Variants in CTNNA3 observed in about 807,000 individuals in gnomAD.
The protein encoded by CTNNA3 is catenin alpha-3.
CTNNA3 carries 76 observed loss-of-function variants against 95.7 expected under a neutral mutation model. The observed-to-expected ratio is 0.79, with a 90% CI of 0.66 to 0.96. The LOEUF (loss-of-function observed/expected upper bound fraction) is 0.96, where lower values mean the gene tolerates loss of function less well. Among genes scored for constraint, CTNNA3 ranks in the 40% least tolerant of loss-of-function variants. The pLI is 0.00. For synonymous variants in CTNNA3, 431 were observed against 374.4 expected, an observed-to-expected ratio of 1.15 and a Z score of -1.74; for missense variants, 1,191 against 1,089.8, an observed-to-expected ratio of 1.09 and a Z score of -1.31.
chr10:66,701,986 C>T (rs1847958663), intron 9 of CTNNA3, among the ~76,000 whole-genome samples: 1 of 152,124 alleles, frequency 6.6e-6, no homozygotes. Context: ...CAAGTGTCAA[C>T]ATCTCGGCCA....
intron 10 of CTNNA3, among the ~76,000 whole-genome samples, chr10:66,618,777 T>C (rs1844627705): frequency 2.0e-5 from 3 of 151,868 alleles, no homozygotes; most frequent in South Asian, 2.1e-4. Flanking sequence ...ACAGGCAACC[T>C]ACAAAATGGG....
intron 1 of CTNNA3, among the ~76,000 whole-genome samples, chr10:67,652,615 A>T (rs941944257): frequency 6.6e-5 from 10 of 152,292 alleles, no homozygotes; most frequent in Admixed American, 5.9e-4. Flanking sequence ...TCCCAGAGGC[A>T]ACTACTTTGG....
Position 67,577,772 on chromosome 10 carries a change from G to T in CTNNA3, c.292+29085C>A, listed in dbSNP as rs201841842. ...CATTCATCTATTGATGGACACTGAGGTTGATTGCATATCTTTGCTATTGTA... is the reference window on the plus strand; with the variant it reads ...CATTCATCTATTGATGGACACTGAGTTTGATTGCATATCTTTGCTATTGTA... On this transcript the variant is annotated intron_variant, in intron 3 of 17. Coordinates refer to ENST00000433211, the MANE Select transcript of CTNNA3 (RefSeq NM_013266.4). Among the ~76,000 whole-genome samples the T allele has an allele frequency of 4.0e-4, 60 of 151,590 alleles. No homozygotes were observed. In the East Asian group the frequency reaches 5.8e-3, roughly 15 times the overall value.
At chr10:67,165,744 C>A (rs1481091413) in intron 7 of CTNNA3, among the ~76,000 whole-genome samples, 1 of 152,090 alleles carries the variant, frequency 6.6e-6, no homozygotes, top group African/African-American at 2.4e-5. Context: ...ATAGCATAAA[C>A]AGCTGAACTA....
chr10:66,396,717 T>C (rs1225095017), intron 11 of CTNNA3, among the ~76,000 whole-genome samples: 1 of 151,976 alleles, frequency 6.6e-6, no homozygotes, highest in Non-Finnish European at 1.5e-5. Context: ...ATTCCATTTC[T>C]AGTAAATAGT....
At chr10:65,938,492 T>C (rs1042774674) in intron 17 of CTNNA3, among the ~76,000 whole-genome samples, 4 of 152,204 alleles carry the variant, frequency 2.6e-5, no homozygotes, top group Non-Finnish European at 5.9e-5. Context: ...GTGAGATGAC[T>C]GGGGACTTTA....
chr10:67,411,808 C>G (rs568222153), intron 5 of CTNNA3, among the ~76,000 whole-genome samples: 1 of 152,040 alleles, frequency 6.6e-6, no homozygotes, highest in African/African-American at 2.4e-5. Context: ...AAACTTAGAG[C>G]TCCATATCTG....
At chr10:67,746,002 A>G (rs1841373302) in intron 1 of CTNNA3, among the ~76,000 whole-genome samples, 1 of 152,228 alleles carries the variant, frequency 6.6e-6, no homozygotes, top group Admixed American at 6.5e-5. Flanking sequence ...ATACTGCACC[A>G]AGCAATTTAC....
intron 9 of CTNNA3, among the ~76,000 whole-genome samples, chr10:66,759,804 T>C (rs1407490104): frequency 1.3e-5 from 2 of 152,170 alleles, no homozygotes; most frequent in African/African-American, 4.8e-5. Context: ...AAAAGAAATA[T>C]AAAATATCTC....
chr10:67,055,158 T>G (rs894368035), intron 7 of CTNNA3: 3 of 152,178 alleles, frequency 2.0e-5, no homozygotes, highest in African/African-American at 7.2e-5. Flanking sequence ...TACGCATCTT[T>G]GAGACAGCTG....
chr10:66,454,766 A>G (rs2093484964), intron 11 of CTNNA3, among the ~76,000 whole-genome samples: 1 of 150,148 alleles, frequency 6.7e-6, no homozygotes, highest in Non-Finnish European at 1.5e-5. Context: ...AAGATAGTAT[A>G]AAAATGAAGA....
At chr10:67,710,307 C>A (rs144603891) in intron 1 of CTNNA3, among the ~76,000 whole-genome samples, 1 of 152,206 alleles carries the variant, frequency 6.6e-6, no homozygotes, top group African/African-American at 2.4e-5. Flanking sequence ...ACAGCTATAG[C>A]AATTGCCTGG....
Position 66,757,168 on chromosome 10 carries a change from T to C in CTNNA3, c.1281+9096A>G, listed in dbSNP as rs1839393363. Among the ~76,000 whole-genome samples the C allele has an allele frequency of 2.0e-5, 3 of 152,296 alleles. No homozygotes were observed. The South Asian group carries it at 6.2e-4, about 32-fold the overall frequency. ...TACTCATTATTTCAGCACAGCCTCA[T>C]GCTCCTGAGCCCTTTCTTTCACTCA... On this transcript the variant is annotated intron_variant, in intron 9 of 17. Transcript: ENST00000433211.
At chr10:67,453,168 C>T (rs1847053077) in intron 5 of CTNNA3, among the ~76,000 whole-genome samples, 1 of 152,060 alleles carries the variant, frequency 6.6e-6, no homozygotes, top group African/African-American at 2.4e-5. Context: ...AGCCAGTTAC[C>T]AAGTGGAGAG....
intron 9 of CTNNA3, among the ~76,000 whole-genome samples, chr10:66,688,444 T>G (rs1019987282): frequency 2.6e-5 from 4 of 152,160 alleles, no homozygotes; most frequent in Non-Finnish European, 5.9e-5. Context: ...TGGAATGTTC[T>G]GCCACCCTCA....
chr10:67,631,159 T>G (rs1023847006), intron 2 of CTNNA3, among the ~76,000 whole-genome samples: 5 of 152,206 alleles, frequency 3.3e-5, no homozygotes, highest in African/African-American at 9.7e-5. Context: ...AGAAATTATT[T>G]CTGATCCATT....
intron 7 of CTNNA3, among the ~76,000 whole-genome samples, chr10:67,158,610 CA>C (rs1861406599): frequency 6.6e-6 from 1 of 152,098 alleles, no homozygotes; most frequent in South Asian, 2.1e-4. Context: ...CATGTGCCCG[CA>C]TAAGTGTAGC....
At chr10:66,775,628 A>C in intron 7 of CTNNA3, 104 bp from the exon 8 acceptor site, 1 of 778,146 alleles carries the variant, frequency 1.3e-6, no homozygotes, top group South Asian at 1.7e-5. Flanking sequence ...AAATTCAAGA[A>C]TAGGTTTCAA....
At chr10:67,110,529 C>T (rs1858867901) in intron 7 of CTNNA3, among the ~76,000 whole-genome samples, 1 of 152,062 alleles carries the variant, frequency 6.6e-6, no homozygotes, top group Non-Finnish European at 1.5e-5. Flanking sequence ...TTAAGAAATA[C>T]TATTAAATCT....
Sources: allele counts gnomAD v4.1 joint callset (sites outside exome capture counted in the v4.1 genomes callset), GRCh38; gene constraint gnomAD v4.1.1; transcripts MANE v1.5; gene names NCBI Gene and HGNC (gene_info 2026-07-23, HGNC 2026-07-21).